The following PTPRM variants were observed in gnomAD, a reference collection of about 807,000 sequenced individuals.
PTPRM encodes receptor-type tyrosine-protein phosphatase mu.
PTPRM carries 47 observed loss-of-function variants against 186.7 expected under a neutral mutation model. That is an observed-to-expected ratio of 0.25 (90% confidence interval 0.20 to 0.32). The LOEUF (loss-of-function observed/expected upper bound fraction) is 0.32. Ranked by LOEUF, PTPRM falls within the 10% of genes least tolerant of loss-of-function variation. The pLI, the probability that PTPRM is intolerant of heterozygous loss-of-function variation, is 1.00. For synonymous variants in PTPRM, 668 were observed against 674.9 expected (o/e 0.99, Z 0.16); for missense variants, 1,494 against 1,865.0 (o/e 0.80, Z 3.66).
chr18:8,174,065 CAA>C (rs112437802), intron 14 of PTPRM, among the ~76,000 whole-genome samples: 60 of 122,892 alleles, frequency 4.9e-4, no homozygotes, highest in African/African-American at 1.1e-3. Flanking sequence ...GACTCTGTCT[CAA>C]AAAAAAAAAA....
intron 1 of PTPRM, among the ~76,000 whole-genome samples, chr18:7,653,118 T>TTTA (rs150577417): frequency 0.035 from 5,060 of 145,472 alleles, 105 homozygotes; most frequent in Non-Finnish European, 0.051. Flanking sequence ...CACTATGTAC[T>TTTA]TTATTATTAT....
At chr18:7,925,539 T>G (rs2051121326) in intron 4 of PTPRM, among the ~76,000 whole-genome samples, 1 of 152,186 alleles carries the variant, frequency 6.6e-6, no homozygotes, top group African/African-American at 2.4e-5. Context: ...GGGGCACCCT[T>G]TTTTGAAGCT....
At chr18:7,647,253 C>T (rs1368979634) in intron 1 of PTPRM, among the ~76,000 whole-genome samples, 1 of 152,126 alleles carries the variant, frequency 6.6e-6, no homozygotes, top group Non-Finnish European at 1.5e-5. Context: ...GCAAGAATTC[C>T]ATTGAAAAAC....
chr18:8,207,096 T>A (rs1269918903), intron 14 of PTPRM, among the ~76,000 whole-genome samples: 3 of 152,180 alleles, frequency 2.0e-5, no homozygotes, highest in Admixed American at 2.0e-4. Context: ...TCTCTGGTTC[T>A]GATCCGCCCA....
At chr18:7,695,187 A>G (rs1416271733) in intron 1 of PTPRM, among the ~76,000 whole-genome samples, 1 of 152,238 alleles carries the variant, frequency 6.6e-6, no homozygotes, top group Non-Finnish European at 1.5e-5. Context: ...TCGTAATGCC[A>G]GTAAAATCAC....
intron 20 of PTPRM, among the ~76,000 whole-genome samples, chr18:8,305,124 G>A (rs1489293614): frequency 6.6e-6 from 1 of 152,060 alleles, no homozygotes; most frequent in Non-Finnish European, 1.5e-5. Context: ...ATCTTTCCAG[G>A]TAAATAAATT....
intron 2 of PTPRM, among the ~76,000 whole-genome samples, chr18:7,863,252 T>C (rs1053964014): frequency 6.6e-6 from 1 of 152,198 alleles, no homozygotes; most frequent in Non-Finnish European, 1.5e-5. Flanking sequence ...GTGCAGAATA[T>C]GCAGGTTTGT....
chr18:7,737,419 C>CT (rs2040794609), intron 1 of PTPRM, among the ~76,000 whole-genome samples: 1 of 152,200 alleles, frequency 6.6e-6, no homozygotes, highest in Non-Finnish European at 1.5e-5. Flanking sequence ...TAAACGGAAA[C>CT]TTTTTTGTCT....
chr18:8,216,398 C>T (rs2094086558), intron 14 of PTPRM, among the ~76,000 whole-genome samples: 1 of 152,176 alleles, frequency 6.6e-6, no homozygotes, highest in Non-Finnish European at 1.5e-5. Context: ...TTGTTCAATT[C>T]TAGAACCACA....
At chr18:8,401,918 G>A (rs149619105) in intron 32 of PTPRM, among the ~76,000 whole-genome samples, 10 of 152,332 alleles carry the variant, frequency 6.6e-5, no homozygotes, top group East Asian at 1.9e-4. Flanking sequence ...CCCTGGTTAC[G>A]GTCTGACCCA....
chr18:8,252,164 A>G (rs1330755298), intron 17 of PTPRM, among the ~76,000 whole-genome samples: 1 of 152,204 alleles, frequency 6.6e-6, no homozygotes, highest in Non-Finnish European at 1.5e-5. Flanking sequence ...AATTTGGTTG[A>G]CTTGTTCAAG....
intron 1 of PTPRM, among the ~76,000 whole-genome samples, chr18:7,757,211 G>C (rs964772255): frequency 3.3e-5 from 5 of 152,110 alleles, no homozygotes; most frequent in African/African-American, 1.2e-4. Flanking sequence ...CTGATACCAT[G>C]TCATCTTCTG....
intron 1 of PTPRM, among the ~76,000 whole-genome samples, chr18:7,743,810 G>A (rs2144531276): frequency 6.6e-6 from 1 of 152,296 alleles, no homozygotes; most frequent in African/African-American, 2.4e-5. Flanking sequence ...AAGAATATAG[G>A]AGTTATTAAA....
At chr18:7,875,002 G>C (rs2146220431) in intron 2 of PTPRM, among the ~76,000 whole-genome samples, 1 of 152,178 alleles carries the variant, frequency 6.6e-6, no homozygotes, top group East Asian at 2.0e-4. Flanking sequence ...AGATCAGCCT[G>C]GCCAACATGG....
At chr18:7,937,341 C>T (rs976932109) in intron 5 of PTPRM, among the ~76,000 whole-genome samples, 9 of 152,200 alleles carry the variant, frequency 5.9e-5, no homozygotes, top group African/African-American at 2.2e-4. Context: ...TTTCTGGGTG[C>T]CACCACGTTC....
chr18:8,089,376 AC>A (rs1479801283), intron 11 of PTPRM, among the ~76,000 whole-genome samples: 1 of 152,218 alleles, frequency 6.6e-6, no homozygotes, highest in Non-Finnish European at 1.5e-5. Context: ...AGAGTTAATT[AC>A]CAACATCTAG....
chr18:7,885,220 C>T (rs765932015), intron 2 of PTPRM, among the ~76,000 whole-genome samples: 23 of 152,202 alleles, frequency 1.5e-4, no homozygotes, highest in Middle Eastern at 6.8e-3. Context: ...TTGCTGTGAA[C>T]GTAAAAATAT....
intron 5 of PTPRM, among the ~76,000 whole-genome samples, chr18:7,942,184 G>C (rs535402972): frequency 6.6e-6 from 1 of 151,554 alleles, no homozygotes; most frequent in East Asian, 1.9e-4. Flanking sequence ...CTGGGAGGCT[G>C]AGGCAGGAAA....
At chr18:7,569,044 C>G (rs1409467646) in intron 1 of PTPRM, among the ~76,000 whole-genome samples, 1 of 152,116 alleles carries the variant, frequency 6.6e-6, no homozygotes, top group African/African-American at 2.4e-5. Flanking sequence ...CAAAATAGGT[C>G]TCTGCGTTTG....
Sources: allele counts gnomAD v4.1 joint callset (sites outside exome capture counted in the v4.1 genomes callset), GRCh38; gene constraint gnomAD v4.1.1; transcripts MANE v1.5; gene names NCBI Gene and HGNC (gene_info 2026-07-23, HGNC 2026-07-21).